The following HS6ST3 variants were observed in gnomAD, a reference collection of about 807,000 sequenced individuals.
HS6ST3 encodes heparan-sulfate 6-O-sulfotransferase 3.
Under a neutral mutation model 36.7 loss-of-function variants are expected in HS6ST3, and 12 were observed. That is an observed-to-expected ratio of 0.33 (90% CI 0.21 to 0.53). The LOEUF (loss-of-function observed/expected upper bound fraction) is 0.53. Among genes scored for constraint, HS6ST3 ranks in the 20% least tolerant of loss-of-function variants. The pLI is 0.95. For missense variants in HS6ST3, 584 were observed against 640.9 expected (o/e 0.91, Z 0.96); for synonymous variants, 240 against 257.5 (o/e 0.93, Z 0.65).
chr13:96,325,465 A>G (rs1305590528), intron 1 of HS6ST3, among the ~76,000 whole-genome samples: 4 of 152,218 alleles, frequency 2.6e-5, no homozygotes, highest in Non-Finnish European at 5.9e-5. Context: ...ATACAAATGA[A>G]AAAACAACAC....
At chr13:96,484,543 CTT>C (rs2055904949) in intron 1 of HS6ST3, among the ~76,000 whole-genome samples, 1 of 152,208 alleles carries the variant, frequency 6.6e-6, no homozygotes, top group South Asian at 2.1e-4. Context: ...CCATTGTACT[CTT>C]TGCTTCTGCA....
chr13:96,374,046 C>T (rs544855162), intron 1 of HS6ST3, among the ~76,000 whole-genome samples: 13 of 152,244 alleles, frequency 8.5e-5, no homozygotes, highest in South Asian at 4.1e-4. Flanking sequence ...GCCCCCAAAG[C>T]GATAAACACC....
intron 1 of HS6ST3, among the ~76,000 whole-genome samples, chr13:96,689,602 C>CT (rs1345477696): frequency 1.1e-4 from 3 of 27,196 alleles, no homozygotes; most frequent in African/African-American, 4.1e-4. Flanking sequence ...TGCTTTCTTT[C>CT]TTTCTTTTTT....
chr13:96,149,177 C>A (rs993071859), intron 1 of HS6ST3, among the ~76,000 whole-genome samples: 5 of 152,010 alleles, frequency 3.3e-5, no homozygotes, highest in African/African-American at 1.2e-4. Context: ...CACATTAGAA[C>A]GCCAATTATT....
chr13:96,537,784 G>A (rs1482770314), intron 1 of HS6ST3, among the ~76,000 whole-genome samples: 4 of 152,148 alleles, frequency 2.6e-5, no homozygotes, highest in Non-Finnish European at 5.9e-5. Context: ...CCAATGCTAG[G>A]ACTGATACAT....
chr13:96,152,390 T>A (rs1332631841), intron 1 of HS6ST3, among the ~76,000 whole-genome samples: 1 of 142,428 alleles, frequency 7.0e-6, no homozygotes, highest in African/African-American at 2.6e-5. Flanking sequence ...CAGGCTGGAG[T>A]GCAGTGGAGC....
intron 1 of HS6ST3, among the ~76,000 whole-genome samples, chr13:96,251,927 T>C (rs1015048215): frequency 6.6e-6 from 1 of 152,200 alleles, no homozygotes; most frequent in Non-Finnish European, 1.5e-5. Context: ...ATACTTGTTA[T>C]AATTTTCATC....
At chr13:96,229,348 A>G (rs1017249810) in intron 1 of HS6ST3, among the ~76,000 whole-genome samples, 3 of 152,188 alleles carry the variant, frequency 2.0e-5, no homozygotes, top group African/African-American at 7.2e-5. Flanking sequence ...TCAGGCTGCT[A>G]TAATAAAATA....
At position 96,691,150 on chromosome 13, in the gene HS6ST3, TC is replaced by T. The variant is rs199704674; in HGVS notation, c.708-141338del. On this transcript the variant is annotated intron_variant, in intron 1 of 1. Coordinates refer to ENST00000376705, the MANE Select transcript of HS6ST3 (RefSeq NM_153456.4). ...AAAATGTTTATTTCAAATTAATGTG[TC>T]CTGACATAAGGAGGGGGTGTTTTCA... is the stretch of plus-strand genomic sequence containing the variant. Among the ~76,000 whole-genome samples the T allele has an allele frequency of 9.6e-3, 1,454 of 152,238 alleles. 13 individuals are homozygous for T. The highest frequency in any genetic ancestry group is 0.039 in the South Asian group (187 of 4,830).
chr13:96,116,915 A>G (rs1282825126), intron 1 of HS6ST3, among the ~76,000 whole-genome samples: 1 of 152,172 alleles, frequency 6.6e-6, no homozygotes, highest in Non-Finnish European at 1.5e-5. Context: ...GAACATTTAT[A>G]TGAAGTAAGG....
rs959595034 is a variant in HS6ST3 at position 96,638,109 on chromosome 13, T to C, written c.708-194381T>C. Reference sequence around the variant, plus strand: ...AGAGGATTCCTACTACTTGGAACTTTTAGTGTCAATCCTGGGAAGGTCTCA... The same window carrying C: ...AGAGGATTCCTACTACTTGGAACTTCTAGTGTCAATCCTGGGAAGGTCTCA... On this transcript the variant is annotated intron_variant, in intron 1 of 1. Transcript: ENST00000376705. Among the ~76,000 whole-genome samples, 4 of 152,092 alleles carry C rather than the reference T, an allele frequency of 2.6e-5. 1 individual carries two copies. The highest frequency in any genetic ancestry group is 4.1e-4 in the South Asian group (2 of 4,826).
chr13:96,543,577 T>C (rs1323089041), intron 1 of HS6ST3, among the ~76,000 whole-genome samples: 1 of 152,214 alleles, frequency 6.6e-6, no homozygotes, highest in African/African-American at 2.4e-5. Flanking sequence ...ATCTCTTAGC[T>C]ATACAAAGGT....
chr13:96,101,723 G>A (rs559707147), intron 1 of HS6ST3, among the ~76,000 whole-genome samples: 112 of 152,170 alleles, frequency 7.4e-4, no homozygotes, highest in African/African-American at 2.6e-3. Context: ...TATATGTCAC[G>A]TTCATTTCTC....
At chr13:96,319,233 G>C (rs913955302) in intron 1 of HS6ST3, among the ~76,000 whole-genome samples, 1 of 152,108 alleles carries the variant, frequency 6.6e-6, no homozygotes, top group Admixed American at 6.5e-5. Context: ...TCTATAAATT[G>C]CTTTAACTTA....
chr13:96,543,416 C>A (rs188517696), intron 1 of HS6ST3, among the ~76,000 whole-genome samples: 1 of 152,138 alleles, frequency 6.6e-6, no homozygotes, highest in South Asian at 2.1e-4. Flanking sequence ...GAAAAAGAAG[C>A]GCAGTCTTCA....
intron 1 of HS6ST3, among the ~76,000 whole-genome samples, chr13:96,501,690 T>C (rs1232293475): frequency 6.6e-6 from 1 of 152,224 alleles, no homozygotes; most frequent in Non-Finnish European, 1.5e-5. Context: ...ATGAGACCAA[T>C]ATGTTGCATG....
chr13:96,694,838 T>C (rs1875076523), intron 1 of HS6ST3, among the ~76,000 whole-genome samples: 1 of 152,180 alleles, frequency 6.6e-6, no homozygotes, highest in Non-Finnish European at 1.5e-5. Context: ...ATATGTCTTC[T>C]TTTGAAGTCA....
intron 1 of HS6ST3, among the ~76,000 whole-genome samples, chr13:96,429,309 G>T (rs1176445935): frequency 6.6e-6 from 1 of 152,170 alleles, no homozygotes; most frequent in African/African-American, 2.4e-5. Flanking sequence ...TATAGAAGCA[G>T]CGTGATATTA....
In HS6ST3 at chr13:96,113,969, C is replaced by T. The variant is rs781139606; in HGVS notation, c.707+22400C>T. Among the ~76,000 whole-genome samples the T allele has an allele frequency of 3.3e-5, 5 of 151,786 alleles. No homozygotes were observed. The South Asian group carries it at 8.3e-4, about 25-fold the overall frequency. On this transcript the variant is annotated intron_variant, in intron 1 of 1. Transcript: ENST00000376705. The stretch of plus-strand genomic sequence containing the variant: ...CATTAAAATGATAATTATGAAGAGC[C>T]GCGTATTAGGATATGTTTGAGGCAC...
Sources: gnomAD v4.1 joint callset for allele counts (sites outside exome capture counted in the v4.1 genomes callset) on GRCh38, gnomAD v4.1.1 for gene constraint, MANE v1.5 for transcripts, NCBI Gene and HGNC (gene_info 2026-07-23, HGNC 2026-07-21) for gene names.